Variants in TCF20 observed in about 807,000 individuals in gnomAD.
TCF20 encodes the protein transcription factor 20, also known as SPRE-binding protein.
In TCF20, 3 loss-of-function variants were observed where a neutral mutation model predicts 148.6. The observed-to-expected ratio is 0.02, with a 90% CI of 0.01 to 0.05. The LOEUF is 0.05. Among genes scored for constraint, TCF20 ranks in the 10% least tolerant of loss-of-function variants. The pLI, the probability that TCF20 is intolerant of heterozygous loss-of-function variation, is 1.00. For synonymous variants in TCF20, 1,049 were observed against 909.5 expected (o/e 1.15, Z -2.76); for missense variants, 2,350 against 2,429.3 (o/e 0.97, Z 0.69).
intron 1 of TCF20, among the ~76,000 whole-genome samples, chr22:42,217,969 A>T (rs1921977813): frequency 6.6e-6 from 1 of 152,254 alleles, no homozygotes; most frequent in African/African-American, 2.4e-5. Flanking sequence ...CAATCGCTAA[A>T]CATTCATGTG....
chr22:42,168,628 C>T lies in TCF20; in HGVS notation c.*25G>A, dbSNP rs777393969. ...ACTCACCTGTGCTTGCTGTCCTTTC[C>T]ATTCCCACGAGCACACTGCCCCCCT... On this transcript the variant is annotated 3_prime_UTR_variant, in exon 5 of 6. Transcript: ENST00000677622. The T allele has an allele frequency of 1.3e-6, 2 of 1,586,482 alleles. No homozygotes were observed. Among genetic ancestry groups the T allele is most frequent in the South Asian group, 2.3e-5 (2 of 87,862 alleles).
chr22:42,189,829 A>C (rs1054196160), intron 2 of TCF20, among the ~76,000 whole-genome samples: 6 of 152,228 alleles, frequency 3.9e-5, no homozygotes, highest in African/African-American at 9.6e-5. Flanking sequence ...TTATATTCAG[A>C]TATTCCTTAT....
At chr22:42,218,255 G>A (rs1922002976) in intron 1 of TCF20, among the ~76,000 whole-genome samples, 1 of 152,218 alleles carries the variant, frequency 6.6e-6, no homozygotes, top group South Asian at 2.1e-4. Flanking sequence ...TGCCCAGAGG[G>A]TCTTCCACAT....
In TCF20 at chr22:42,198,487, A is replaced by G. The variant is rs540494148; in HGVS notation, c.5655+11164T>C. ...CCAAGTCGCTTATATAAAATAGCAC[A>G]GTATTTGTATATAAGCTAAGCACAT... On this transcript the variant is annotated intron_variant, in intron 2 of 5. Transcript: ENST00000677622. Among the ~76,000 whole-genome samples, 328 of 152,338 alleles carry G rather than the reference A, an allele frequency of 2.2e-3. 1 individual carries two copies. The highest frequency in any genetic ancestry group is 7.6e-3 in the African/African-American group (316 of 41,586).
chr22:42,302,064 C>T (rs1211009951), intron 1 of TCF20, among the ~76,000 whole-genome samples: 2 of 152,170 alleles, frequency 1.3e-5, no homozygotes, highest in African/African-American at 4.8e-5. Context: ...CCTCTTAGCC[C>T]AGAGCAAGAG....
chr22:42,291,501 T>G (rs1327002620), intron 1 of TCF20, among the ~76,000 whole-genome samples: 13 of 152,168 alleles, frequency 8.5e-5, no homozygotes. Flanking sequence ...AGCTGGACCG[T>G]CTGGACTATG....
chr22:42,197,695 T>A (rs1394398190), intron 2 of TCF20, among the ~76,000 whole-genome samples: 1 of 152,180 alleles, frequency 6.6e-6, no homozygotes, highest in East Asian at 1.9e-4. Flanking sequence ...GTTCCATACA[T>A]CTCAATTTTC....
intron 1 of TCF20, among the ~76,000 whole-genome samples, chr22:42,236,981 C>T (rs1227633526): frequency 6.6e-6 from 1 of 152,164 alleles, no homozygotes; most frequent in African/African-American, 2.4e-5. Flanking sequence ...GTCTTGCCTC[C>T]ATGTTGATGG....
intron 2 of TCF20, among the ~76,000 whole-genome samples, chr22:42,192,313 G>C (rs1297457112): frequency 6.6e-6 from 1 of 152,172 alleles, no homozygotes; most frequent in Non-Finnish European, 1.5e-5. Context: ...TACTGAAGCG[G>C]AAATCTCCAA....
At chr22:42,308,327 G>A (rs1054027168) in intron 1 of TCF20, among the ~76,000 whole-genome samples, 7 of 152,102 alleles carry the variant, frequency 4.6e-5, no homozygotes, top group South Asian at 2.1e-4. Context: ...GTTTGGAGGC[G>A]CTTCCTGGAG....
chr22:42,325,847 CT>C (rs1420048268), intron 1 of TCF20, among the ~76,000 whole-genome samples: 1 of 152,184 alleles, frequency 6.6e-6, no homozygotes. Flanking sequence ...GGTTCAGCCT[CT>C]CATGTCAAAA....
intron 3 of TCF20, among the ~76,000 whole-genome samples, chr22:42,176,819 G>C (rs924418799): frequency 6.6e-6 from 1 of 152,262 alleles, no homozygotes; most frequent in Middle Eastern, 3.4e-3. Flanking sequence ...TTAAAAAGTA[G>C]AACAGAGGAT....
At chr22:42,190,720 T>C (rs991596410) in intron 2 of TCF20, among the ~76,000 whole-genome samples, 20 of 152,174 alleles carry the variant, frequency 1.3e-4, no homozygotes, top group African/African-American at 4.3e-4. Context: ...AGAGCGTATT[T>C]TACAGGTCAG....
intron 3 of TCF20, among the ~76,000 whole-genome samples, chr22:42,170,626 CA>C (rs58579686): frequency 1.7e-3 from 125 of 72,080 alleles, no homozygotes; most frequent in African/African-American, 6.8e-3. Flanking sequence ...GACTCCGTCT[CA>C]AAAAAAAAAA....
intron 1 of TCF20, among the ~76,000 whole-genome samples, chr22:42,237,492 C>T (rs903992600): frequency 2.0e-5 from 3 of 152,208 alleles, no homozygotes; most frequent in Non-Finnish European, 2.9e-5. Context: ...AATCATCTTC[C>T]AAACTCCTGT....
At chr22:42,283,814 CG>C (rs923279244) in intron 1 of TCF20, among the ~76,000 whole-genome samples, 14 of 152,150 alleles carry the variant, frequency 9.2e-5, no homozygotes, top group African/African-American at 3.4e-4. Context: ...AGAGGCACCG[CG>C]CACACCGTTA....
intron 3 of TCF20, among the ~76,000 whole-genome samples, chr22:42,174,989 C>T (rs549958156): frequency 1.3e-5 from 2 of 151,562 alleles, no homozygotes; most frequent in African/African-American, 4.8e-5. Context: ...GAGCCGAGAT[C>T]GCGCCACTGC....
chr22:42,199,706 CAAAAAAA>C (rs59845847), intron 2 of TCF20, among the ~76,000 whole-genome samples: 19 of 33,872 alleles, frequency 5.6e-4, no homozygotes, highest in Middle Eastern at 0.02. Context: ...CCCATCTCTA[CAAAAAAA>C]AAAAAAAAAA....
At chr22:42,233,084 C>G (rs1923578347) in intron 1 of TCF20, among the ~76,000 whole-genome samples, 1 of 151,990 alleles carries the variant, frequency 6.6e-6, no homozygotes. Flanking sequence ...CAATACCCGG[C>G]TAATTTTTGT....
Sources: allele counts gnomAD v4.1 joint callset (sites outside exome capture counted in the v4.1 genomes callset), GRCh38; gene constraint gnomAD v4.1.1; transcripts MANE v1.5; gene names NCBI Gene and HGNC (gene_info 2026-07-23, HGNC 2026-07-21).